HDX: variants seen among roughly 807,000 people sequenced by gnomAD.
HDX encodes chromosome X open reading frame 43.
HDX carries 19 observed loss-of-function variants against 45.2 expected under a neutral mutation model. The ratio of observed to expected loss-of-function variants is 0.42; its 90% confidence interval spans 0.29 to 0.62. HDX has a LOEUF of 0.62. Ranked by LOEUF, HDX falls within the 20% of genes least tolerant of loss-of-function variation. HDX has a pLI of 0.20. For synonymous variants in HDX, 188 were observed against 172.8 expected, an observed-to-expected ratio of 1.09 and a Z score of -0.69; for missense variants, 532 against 493.9, an observed-to-expected ratio of 1.08 and a Z score of -0.73.
At chrX:84,498,806 G>A (rs1221742650) in intron 1 of HDX, among the ~76,000 whole-genome samples, 1 of 97,211 alleles carries the variant, frequency 1.0e-5, no homozygotes, top group African/African-American at 3.6e-5. Flanking sequence ...GTAATATGGT[G>A]TTTATGGAAT....
intron 4 of HDX, among the ~76,000 whole-genome samples, chrX:84,441,227 G>A (rs1037627283): frequency 1.8e-5 from 2 of 111,487 alleles, no homozygotes; most frequent in African/African-American, 6.5e-5. Flanking sequence ...ATAGATAAGG[G>A]AGGACTACTG....
At chrX:84,437,497 A>G (rs1311665451) in intron 5 of HDX, among the ~76,000 whole-genome samples, 1 of 111,160 alleles carries the variant, frequency 9.0e-6, no homozygotes, top group African/African-American at 3.3e-5. Flanking sequence ...GCCTACTTTT[A>G]TTGGCTATGG....
intron 5 of HDX, among the ~76,000 whole-genome samples, chrX:84,368,338 T>C (rs6623009): frequency 0.44 from 48,293 of 110,707 alleles, 8,342 homozygotes; most frequent in Middle Eastern, 0.68. Context: ...CAATGATATT[T>C]TAATCACATT....
chrX:84,374,441 T>C (rs1313575621), intron 5 of HDX, among the ~76,000 whole-genome samples: 4 of 110,632 alleles, frequency 3.6e-5, no homozygotes, highest in Admixed American at 9.7e-5. Context: ...AAAAAGAGCC[T>C]GCATAGCCAA....
intron 5 of HDX, among the ~76,000 whole-genome samples, chrX:84,416,980 C>T (rs1288353607): frequency 9.3e-6 from 1 of 108,023 alleles, no homozygotes; most frequent in African/African-American, 3.4e-5. Flanking sequence ...CATGGTGAAA[C>T]CCCATCTTTA....
intron 7 of HDX, among the ~76,000 whole-genome samples, chrX:84,338,392 T>A (rs2037013357): frequency 9.0e-6 from 1 of 110,709 alleles, no homozygotes; most frequent in South Asian, 3.8e-4. Flanking sequence ...CACACATATA[T>A]AAATTGTTTC....
chrX:84,353,080 A>G lies in HDX; in HGVS notation c.1452+8386T>C, dbSNP rs145243997. Among the ~76,000 whole-genome samples the G allele has an allele frequency of 9.3e-3, 1,043 of 112,358 alleles. 15 individuals are homozygous for G. Among genetic ancestry groups the G allele is most frequent in the African/African-American group, 0.032 (987 of 30,986 alleles). ...TGTACAATGATAAAGGTAAAACAATATGTTATGTGAATATTGGAAGTATGT... is the reference window on the plus strand; with the variant it reads ...TGTACAATGATAAAGGTAAAACAATGTGTTATGTGAATATTGGAAGTATGT... On this transcript the variant is annotated intron_variant, in intron 6 of 10. Coordinates refer to ENST00000373177, the MANE Select transcript of HDX (RefSeq NM_001177479.2).
intron 6 of HDX, among the ~76,000 whole-genome samples, chrX:84,344,918 C>A (rs991323469): frequency 1.8e-5 from 2 of 110,900 alleles, no homozygotes; most frequent in African/African-American, 6.5e-5. Context: ...AAACGATTCA[C>A]CAAATCTTTT....
chrX:84,485,653 C>T (rs1257210008), intron 2 of HDX, among the ~76,000 whole-genome samples: 3 of 112,170 alleles, frequency 2.7e-5, no homozygotes, highest in Admixed American at 1.9e-4. Flanking sequence ...CCTCCTTGGC[C>T]TCCCAAAGTG....
intron 5 of HDX, among the ~76,000 whole-genome samples, chrX:84,379,890 T>C (rs776251223): frequency 9.0e-6 from 1 of 110,665 alleles, no homozygotes; most frequent in African/African-American, 3.3e-5. Flanking sequence ...AAAAATGAAA[T>C]TGAAATGAAG....
intron 3 of HDX, among the ~76,000 whole-genome samples, chrX:84,474,298 A>C (rs1162543959): frequency 8.9e-6 from 1 of 112,435 alleles, no homozygotes; most frequent in African/African-American, 3.2e-5. Context: ...GTTTCAAAAA[A>C]AAGAAAAAAA....
chrX:84,445,975 GAATTCTAAGATGTTTCAGAATTATAA>G (rs1449073745), intron 4 of HDX, among the ~76,000 whole-genome samples: 4 of 111,142 alleles, frequency 3.6e-5, no homozygotes, highest in African/African-American at 9.8e-5. Flanking sequence ...AGGGAAACTA[GAATTCTAAGATGTTTCAGAATTATAA>G]AATTCTAAGA....
chrX:84,488,473 G>GTAAT (rs1472719564), intron 1 of HDX, among the ~76,000 whole-genome samples: 1 of 110,743 alleles, frequency 9.0e-6, no homozygotes, highest in Non-Finnish European at 1.9e-5. Context: ...AAAGACATTA[G>GTAAT]TAATAATATA....
At chrX:84,395,761 TC>T (rs951387133) in intron 5 of HDX, among the ~76,000 whole-genome samples, 1 of 112,117 alleles carries the variant, frequency 8.9e-6, no homozygotes, top group African/African-American at 3.2e-5. Context: ...GCTTTGTTCA[TC>T]TTTTTTAATT....
intron 6 of HDX, among the ~76,000 whole-genome samples, chrX:84,357,258 T>C (rs1289305657): frequency 9.0e-6 from 1 of 111,457 alleles, no homozygotes; most frequent in African/African-American, 3.3e-5. Flanking sequence ...CCAGGAGCTA[T>C]TTCTCTAAGA....
chrX:84,454,796 C>T (rs1377520506), intron 4 of HDX, among the ~76,000 whole-genome samples: 1 of 110,932 alleles, frequency 9.0e-6, no homozygotes, highest in Non-Finnish European at 1.9e-5. Context: ...CAGGTCTCAC[C>T]CAGCACAGTC....
At chrX:84,424,150 T>A (rs921409163) in intron 5 of HDX, among the ~76,000 whole-genome samples, 2 of 111,319 alleles carry the variant, frequency 1.8e-5, no homozygotes, top group African/African-American at 6.5e-5. Context: ...CATACAAAAA[T>A]CGGTAGCATT....
intron 5 of HDX, among the ~76,000 whole-genome samples, chrX:84,382,738 T>G (rs1168403392): frequency 1.8e-5 from 2 of 111,368 alleles, no homozygotes; most frequent in African/African-American, 6.5e-5. Flanking sequence ...GGATAGTTAA[T>G]GGCTACAAAA....
intron 2 of HDX, among the ~76,000 whole-genome samples, chrX:84,478,804 A>C (rs1292877425): frequency 9.0e-6 from 1 of 111,092 alleles, no homozygotes; most frequent in Non-Finnish European, 1.9e-5. Context: ...GGTTACAGTG[A>C]GCTATGACTG....
Sources: gnomAD v4.1 joint callset for allele counts (sites outside exome capture counted in the v4.1 genomes callset) on GRCh38, gnomAD v4.1.1 for gene constraint, MANE v1.5 for transcripts, NCBI Gene and HGNC (gene_info 2026-07-23, HGNC 2026-07-21) for gene names.